KLF12: variants seen among roughly 807,000 people sequenced by gnomAD.
KLF12 encodes Krueppel-like factor 12.
Under a neutral mutation model 37.8 loss-of-function variants are expected in KLF12, and 9 were observed. The observed-to-expected ratio is 0.24, with a 90% CI of 0.14 to 0.42. KLF12 has a LOEUF of 0.42. Among genes scored for constraint, KLF12 ranks in the 10% least tolerant of loss-of-function variants. The probability of loss-of-function intolerance (pLI) is 1.00; values close to 1 mark genes in which losing one functional copy is unlikely to be tolerated. For missense variants in KLF12, 411 were observed against 516.0 expected (o/e 0.80, Z 1.97); for synonymous variants, 208 against 202.1 (o/e 1.03, Z -0.25).
At chr13:73,804,082 C>T (rs930628682) in intron 5 of KLF12, among the ~76,000 whole-genome samples, 14 of 152,166 alleles carry the variant, frequency 9.2e-5, no homozygotes, top group Non-Finnish European at 2.1e-4. Flanking sequence ...CCTCTCCAAG[C>T]AGCTGCATCT....
chr13:74,164,840 G>T, the KLF12 span, among the ~76,000 whole-genome samples: 1 of 152,314 alleles, frequency 6.6e-6, no homozygotes, highest in South Asian at 2.1e-4. Flanking sequence ...TCATTCATTT[G>T]TGGGAGCTAC....
chr13:73,976,374 T>C (rs997867926), intron 2 of KLF12, among the ~76,000 whole-genome samples: 3 of 152,104 alleles, frequency 2.0e-5, no homozygotes, highest in African/African-American at 2.4e-5. Flanking sequence ...AAGATAGAAA[T>C]TGAAGTTTCA....
intron 5 of KLF12, among the ~76,000 whole-genome samples, chr13:73,781,617 C>T (rs370456061): frequency 6.6e-6 from 1 of 152,150 alleles, no homozygotes; most frequent in Admixed American, 6.5e-5. Context: ...GCAAAATAGG[C>T]TGGGTCTGGA....
chr13:74,163,866 C>G, the KLF12 span, among the ~76,000 whole-genome samples: 3 of 145,110 alleles, frequency 2.1e-5, no homozygotes, highest in Non-Finnish European at 4.5e-5. Flanking sequence ...TACTATGTAC[C>G]CACAAAAATT....
chr13:74,282,789 G>C, the KLF12 span, among the ~76,000 whole-genome samples: 9 of 152,130 alleles, frequency 5.9e-5, no homozygotes, highest in Admixed American at 1.3e-4. Flanking sequence ...CTCTATTACG[G>C]TTTCAGTTCT....
the KLF12 span, among the ~76,000 whole-genome samples, chr13:74,139,471 A>G: frequency 2.0e-5 from 3 of 152,384 alleles, no homozygotes; most frequent in Admixed American, 2.0e-4. Flanking sequence ...TTGGGTGCAC[A>G]TATTGAAAAT....
At chr13:74,175,961 C>A in the KLF12 span, among the ~76,000 whole-genome samples, 1 of 152,150 alleles carries the variant, frequency 6.6e-6, no homozygotes, top group African/African-American at 2.4e-5. Context: ...TTTCCTCTCC[C>A]CTGGGCAGCC....
At chr13:74,186,606 A>G in the KLF12 span, among the ~76,000 whole-genome samples, 1 of 152,190 alleles carries the variant, frequency 6.6e-6, no homozygotes, top group African/African-American at 2.4e-5. Context: ...CAGCTGTGTA[A>G]CATCCCAAGG....
intron 3 of KLF12, among the ~76,000 whole-genome samples, chr13:73,937,763 T>C (rs1270966520): frequency 6.6e-6 from 1 of 152,262 alleles, no homozygotes; most frequent in Admixed American, 6.5e-5. Flanking sequence ...GTAATTACTA[T>C]CACAGCTCAT....
chr13:74,136,099 C>G (rs1048241701), upstream of KLF12, among the ~76,000 whole-genome samples: 1 of 152,184 alleles, frequency 6.6e-6, no homozygotes, highest in African/African-American at 2.4e-5. Flanking sequence ...GGGGTCTGTC[C>G]TGGTCTTGAG....
chr13:73,835,066 CTT>C (rs57370625), intron 4 of KLF12, among the ~76,000 whole-genome samples: 27 of 142,726 alleles, frequency 1.9e-4, no homozygotes, highest in Non-Finnish European at 1.5e-4. Flanking sequence ...GAAGTTAAAC[CTT>C]TTTTTTTTTT....
chr13:73,997,612 A>G (rs1307152848), intron 1 of KLF12, among the ~76,000 whole-genome samples: 1 of 152,200 alleles, frequency 6.6e-6, no homozygotes, highest in African/African-American at 2.4e-5. Context: ...CACATTTCCA[A>G]TAACAGTTAA....
At chr13:73,779,747 G>C (rs957759796) in intron 5 of KLF12, among the ~76,000 whole-genome samples, 26 of 152,220 alleles carry the variant, frequency 1.7e-4, no homozygotes, top group African/African-American at 5.8e-4. Flanking sequence ...TTGAGGGACA[G>C]AGCCCTTGAG....
intron 5 of KLF12, among the ~76,000 whole-genome samples, chr13:73,798,656 T>C (rs1035704164): frequency 4.6e-5 from 7 of 152,184 alleles, no homozygotes; most frequent in African/African-American, 4.8e-5. Flanking sequence ...AGCAAACATA[T>C]TGAAAAAAAG....
intron 5 of KLF12, among the ~76,000 whole-genome samples, chr13:73,782,008 T>C (rs1880997076): frequency 6.6e-6 from 1 of 152,200 alleles, no homozygotes; most frequent in South Asian, 2.1e-4. Flanking sequence ...ATGTTCTTAG[T>C]TTCTACTGTT....
intron 3 of KLF12, among the ~76,000 whole-genome samples, chr13:73,859,887 C>G (rs994227227): frequency 6.6e-6 from 1 of 151,988 alleles, no homozygotes; most frequent in African/African-American, 2.4e-5. Flanking sequence ...GCAGAAAAAT[C>G]AGCTCACCAC....
intron 1 of KLF12, among the ~76,000 whole-genome samples, chr13:74,066,870 C>A (rs1873949577): frequency 6.6e-6 from 1 of 151,998 alleles, no homozygotes; most frequent in African/African-American, 2.4e-5. Context: ...GGCATTATTC[C>A]TAAAAAGGAA....
the KLF12 span, among the ~76,000 whole-genome samples, chr13:74,154,245 A>G: frequency 2.0e-5 from 3 of 146,762 alleles, no homozygotes; most frequent in East Asian, 2.0e-4. Context: ...AAAAAAAAAT[A>G]CTATTTATTC....
Position 73,944,088 on chromosome 13 carries a change from A to G in KLF12, c.34-18T>C, listed in dbSNP as rs757917653. On this transcript the variant is annotated intron_variant, in intron 2 of 7. Transcript: ENST00000377669. The stretch of plus-strand genomic sequence containing the variant: ...TTGATATTCTGAGAATAGAAGGGAG[A>G]GAGAAAGATTCAGCTCTAAAGCATT... 5 of 1,500,054 alleles carry G rather than the reference A, an allele frequency of 3.3e-6. No individual in the cohort carries two copies. The highest frequency in any genetic ancestry group is 4.6e-6 in the Non-Finnish European group (5 of 1,079,896). 92.9% of individuals were successfully genotyped at this position (1,500,054 alleles called of 1,614,324 possible). A position where few individuals can be genotyped will look rare whatever the true frequency, so the allele number is the denominator to read the frequency against.
Sources: gnomAD v4.1 joint callset for allele counts (sites outside exome capture counted in the v4.1 genomes callset) on GRCh38, gnomAD v4.1.1 for gene constraint, MANE v1.5 for transcripts, NCBI Gene and HGNC (gene_info 2026-07-23, HGNC 2026-07-21) for gene names.